Variants in ASXL3 observed in about 807,000 individuals in gnomAD.
ASXL3 encodes the protein putative Polycomb group protein ASXL3.
ASXL3 carries 34 observed loss-of-function variants against 170.6 expected under a neutral mutation model. The observed-to-expected ratio is 0.20, with a 90% CI of 0.15 to 0.27. The LOEUF (loss-of-function observed/expected upper bound fraction) is 0.27. Ranked by LOEUF, ASXL3 falls within the 10% of genes least tolerant of loss-of-function variation. The pLI is 1.00. For missense variants in ASXL3, 2,592 were observed against 2,695.3 expected (o/e 0.96, Z 0.85); for synonymous variants, 1,002 against 989.1 (o/e 1.01, Z -0.24).
At chr18:33,580,316 T>A (rs1210248749) in intron 1 of ASXL3, among the ~76,000 whole-genome samples, 1 of 152,206 alleles carries the variant, frequency 6.6e-6, no homozygotes, top group Non-Finnish European at 1.5e-5. Context: ...AATGAGTTTT[T>A]GCTGGAGCAT....
At chr18:33,721,450 T>G (rs1393531076) in intron 8 of ASXL3, among the ~76,000 whole-genome samples, 1 of 152,118 alleles carries the variant, frequency 6.6e-6, no homozygotes, top group Admixed American at 6.6e-5. Flanking sequence ...GTTCCATGTA[T>G]GTGTATATTA....
intron 2 of ASXL3, among the ~76,000 whole-genome samples, chr18:33,621,093 G>A (rs1202558596): frequency 6.6e-6 from 1 of 152,118 alleles, no homozygotes; most frequent in African/African-American, 2.4e-5. Context: ...ACTAAGACAT[G>A]AATGAGGTTT....
At chr18:33,737,502 T>C (rs927887623) in intron 10 of ASXL3, among the ~76,000 whole-genome samples, 3 of 152,150 alleles carry the variant, frequency 2.0e-5, no homozygotes, top group Non-Finnish European at 4.4e-5. Flanking sequence ...AAAACAGTGA[T>C]TTACAGTACC....
At chr18:33,631,981 GT>G (rs2065683803) in intron 2 of ASXL3, among the ~76,000 whole-genome samples, 1 of 152,070 alleles carries the variant, frequency 6.6e-6, no homozygotes, top group Admixed American at 6.5e-5. Flanking sequence ...CTGGAAGAAA[GT>G]TTACAAAGTG....
rs369212435 is a variant in ASXL3 at position 33,713,341 on chromosome 18, A to ACCCCC, written c.880-18622_880-18618dup. 9.5e-4 allele frequency among the ~76,000 whole-genome samples: 53 copies of ACCCCC among 56,064 alleles called. 1 individual carries two copies. The highest frequency in any genetic ancestry group is 2.8e-3 in the East Asian group (1 of 358). The allele number at this position is 56,064 out of a possible 152,430, so 36.8% of individuals were successfully genotyped here. A position where few individuals can be genotyped will look rare whatever the true frequency, so the allele number is the denominator to read the frequency against. ...ACAATCTTGGCTCACTGCAACCTCC[A>ACCCCC]CCCCCCCCCGGGTTCAAGTGATTCT... is the stretch of plus-strand genomic sequence containing the variant. On this transcript the variant is annotated intron_variant, in intron 8 of 11. Transcript: ENST00000269197.
At chr18:33,599,076 A>G (rs2065157534) in intron 1 of ASXL3, among the ~76,000 whole-genome samples, 2 of 152,122 alleles carry the variant, frequency 1.3e-5, no homozygotes, top group Admixed American at 1.3e-4. Flanking sequence ...TTAATTATAG[A>G]TTGTTGAGCT....
intron 1 of ASXL3, among the ~76,000 whole-genome samples, chr18:33,602,390 G>A (rs1350168610): frequency 6.6e-6 from 1 of 152,048 alleles, no homozygotes. Context: ...CACATATGCT[G>A]GGAGTGAAGA....
rs2067732877 is a variant in ASXL3, at chr18:33,744,504, G to A, written c.4656G>A (p.Leu1552=). 6.2e-7 allele frequency: 1 copy of A among 1,612,498 alleles called. No homozygotes were observed. Among genetic ancestry groups the A allele is most frequent in the Non-Finnish European group, 8.5e-7 (1 of 1,179,690 alleles). ...CAGCAAAACAAGACAGTAAAACATT[G>A]CCGGCCACCTGCACAAGTCTCCGAG... ...ASAAKQDSKT[L]PATCTSLREL... The change falls in exon 12 of 12, where the codon TTG becomes TTA. Residue 1552 remains leucine, a synonymous_variant. Coordinates refer to ENST00000269197, the MANE Select transcript of ASXL3 (RefSeq NM_030632.3).
At chr18:33,606,033 T>G (rs1346236492) in intron 1 of ASXL3, among the ~76,000 whole-genome samples, 1 of 152,036 alleles carries the variant, frequency 6.6e-6, no homozygotes, top group African/African-American at 2.4e-5. Context: ...GTTCTTATTT[T>G]AAAACTTCTG....
intron 2 of ASXL3, among the ~76,000 whole-genome samples, chr18:33,631,970 G>A (rs992003346): frequency 1.3e-5 from 2 of 152,062 alleles, no homozygotes; most frequent in African/African-American, 2.4e-5. Flanking sequence ...AAAGAATTAG[G>A]CTGGAAGAAA....
chr18:33,641,361 A>G (rs1458540110), intron 2 of ASXL3, among the ~76,000 whole-genome samples: 1 of 151,998 alleles, frequency 6.6e-6, no homozygotes. Context: ...GGGAAATGAA[A>G]ACAAACCAGA....
intron 1 of ASXL3, among the ~76,000 whole-genome samples, chr18:33,604,308 T>G (rs906692529): frequency 6.6e-6 from 1 of 152,022 alleles, no homozygotes; most frequent in African/African-American, 2.4e-5. Flanking sequence ...ATGAAAAAAG[T>G]ATATTCAAAG....
intron 5 of ASXL3, 29 bp downstream of exon 5, chr18:33,661,766 CT>C: frequency 6.2e-7 from 1 of 1,605,778 alleles, no homozygotes; most frequent in Admixed American, 1.7e-5. Context: ...ATTCTTTGTC[CT>C]TCAGTTCTGC....
At chr18:33,626,521 CT>C (rs1342906409) in intron 2 of ASXL3, 110 of 142,722 alleles carry the variant, frequency 7.7e-4, no homozygotes, top group Middle Eastern at 3.7e-3. Flanking sequence ...TGGGTCAAGG[CT>C]TTTTTTTTTT....
chr18:33,591,364 A>G (rs911570873), intron 1 of ASXL3, among the ~76,000 whole-genome samples: 1 of 152,208 alleles, frequency 6.6e-6, no homozygotes, highest in Non-Finnish European at 1.5e-5. Flanking sequence ...CAGAGTTGCT[A>G]CTATTTAAAG....
chr18:33,688,373 T>G (rs536071249), intron 8 of ASXL3, among the ~76,000 whole-genome samples: 15 of 152,342 alleles, frequency 9.8e-5, no homozygotes, highest in African/African-American at 3.6e-4. Flanking sequence ...AAGTCGAAAT[T>G]GAGTTTTATT....
intron 2 of ASXL3, among the ~76,000 whole-genome samples, chr18:33,619,166 C>T (rs2065472250): frequency 6.6e-6 from 1 of 152,062 alleles, no homozygotes; most frequent in Non-Finnish European, 1.5e-5. Context: ...GTTCATCAAG[C>T]TAGAAAATGA....
chr18:33,582,369 T>C (rs2065001137), intron 1 of ASXL3, among the ~76,000 whole-genome samples: 1 of 152,216 alleles, frequency 6.6e-6, no homozygotes, highest in South Asian at 2.1e-4. Context: ...TCTTTGTTAC[T>C]GGCTTAACAC....
intron 8 of ASXL3, among the ~76,000 whole-genome samples, chr18:33,724,372 TA>T (rs1162943968): frequency 1.3e-5 from 2 of 152,112 alleles, no homozygotes; most frequent in Non-Finnish European, 2.9e-5. Context: ...TTATTCTGAA[TA>T]CTTGGTTCTC....
Sources: gnomAD v4.1 joint callset for allele counts (sites outside exome capture counted in the v4.1 genomes callset) on GRCh38, gnomAD v4.1.1 for gene constraint, MANE v1.5 for transcripts, NCBI Gene and HGNC (gene_info 2026-07-23, HGNC 2026-07-21) for gene names.